SAXO1: variants seen among roughly 807,000 people sequenced by gnomAD.
SAXO1 encodes stabilizer of axonemal microtubules 1.
SAXO1 carries 21 observed loss-of-function variants against 17.5 expected under a neutral mutation model. That is an observed-to-expected ratio of 1.20 (90% confidence interval 0.85 to 1.72). SAXO1 has a LOEUF of 1.72. SAXO1 is among the 40% of genes most tolerant of loss of function. The probability of loss-of-function intolerance (pLI) is 0.00; values close to 1 mark genes in which losing one functional copy is unlikely to be tolerated. For missense variants in SAXO1, 843 were observed against 596.0 expected, an observed-to-expected ratio of 1.41 and a Z score of -4.32; for synonymous variants, 274 against 216.5, an observed-to-expected ratio of 1.27 and a Z score of -2.33.
intron 1 of SAXO1, among the ~76,000 whole-genome samples, chr9:18,998,176 G>A (rs899801618): frequency 6.6e-6 from 1 of 152,066 alleles, no homozygotes; most frequent in Non-Finnish European, 1.5e-5. Context: ...CCAGCTAAAG[G>A]AGTATGTTCT....
At chr9:19,014,866 G>T (rs184568801) in intron 1 of SAXO1, among the ~76,000 whole-genome samples, 3 of 152,266 alleles carry the variant, frequency 2.0e-5, no homozygotes, top group Admixed American at 6.5e-5. Flanking sequence ...TTCCTGCCGG[G>T]GTTAGGAAGT....
At chr9:19,000,179 T>C (rs373970861) in intron 1 of SAXO1, among the ~76,000 whole-genome samples, 9 of 149,340 alleles carry the variant, frequency 6.0e-5, no homozygotes, top group African/African-American at 2.2e-4. Context: ...CGCCACCCTG[T>C]CTGGGAAGTG....
intron 1 of SAXO1, among the ~76,000 whole-genome samples, chr9:18,986,094 A>T (rs999565237): frequency 1.3e-5 from 2 of 152,366 alleles, no homozygotes; most frequent in African/African-American, 4.8e-5. Context: ...TAACTCAAAG[A>T]AATACTAATG....
At chr9:19,004,640 C>G (rs1834416421) in intron 1 of SAXO1, among the ~76,000 whole-genome samples, 1 of 152,188 alleles carries the variant, frequency 6.6e-6, no homozygotes, top group Admixed American at 6.5e-5. Context: ...ACCACAACTT[C>G]TCACTCACAA....
At chr9:18,936,636 A>C (rs1469208670) in intron 3 of SAXO1, among the ~76,000 whole-genome samples, 1 of 152,108 alleles carries the variant, frequency 6.6e-6, no homozygotes, top group Non-Finnish European at 1.5e-5. Flanking sequence ...ACCCTGAAAA[A>C]CCTCAGAATT....
chr9:19,005,971 T>C (rs1308058048), intron 1 of SAXO1, among the ~76,000 whole-genome samples: 2 of 152,090 alleles, frequency 1.3e-5, no homozygotes, highest in Non-Finnish European at 2.9e-5. Context: ...CCACCTTGAG[T>C]AGACATCTCT....
chr9:18,954,541 T>C (rs1271329214), intron 1 of SAXO1, among the ~76,000 whole-genome samples: 2 of 152,106 alleles, frequency 1.3e-5, no homozygotes, highest in Non-Finnish European at 1.5e-5. Context: ...TTCACCATGC[T>C]TCCCAAGCTG....
At chr9:19,029,944 C>T (rs919655885) in intron 1 of SAXO1, among the ~76,000 whole-genome samples, 1 of 152,210 alleles carries the variant, frequency 6.6e-6, no homozygotes, top group Non-Finnish European at 1.5e-5. Flanking sequence ...ATAAAGAAAA[C>T]TGTGTTGCTA....
chr9:18,955,654 G>A (rs1308037395), intron 1 of SAXO1, among the ~76,000 whole-genome samples: 1 of 152,164 alleles, frequency 6.6e-6, no homozygotes, highest in Admixed American at 6.6e-5. Flanking sequence ...AACAAATAAA[G>A]CAGTCTTTCT....
intron 1 of SAXO1, among the ~76,000 whole-genome samples, chr9:19,001,908 A>T (rs1166517699): frequency 6.6e-6 from 1 of 152,154 alleles, no homozygotes; most frequent in Non-Finnish European, 1.5e-5. Context: ...GCAGAAATGA[A>T]GGAGATAGAG....
intron 1 of SAXO1, among the ~76,000 whole-genome samples, chr9:18,987,855 C>A (rs1306748388): frequency 2.0e-5 from 3 of 151,444 alleles, no homozygotes; most frequent in Non-Finnish European, 2.9e-5. Flanking sequence ...AGAGATGGCA[C>A]CACCCCACTA....
At chr9:18,966,552 G>C (rs12379525) in intron 1 of SAXO1, among the ~76,000 whole-genome samples, 9,197 of 152,140 alleles carry the variant, frequency 0.06, 306 homozygotes, top group African/African-American at 0.1. Context: ...ACTGGTGTAT[G>C]CTTCACCAAG....
chr9:19,014,396 G>C (rs563571461), intron 1 of SAXO1, among the ~76,000 whole-genome samples: 11 of 144,004 alleles, frequency 7.6e-5, no homozygotes, highest in African/African-American at 2.5e-4. Context: ...TGGGGGGCAA[G>C]GTTGCAGTTA....
At chr9:19,045,316 C>CAAAAAAAAAAAA (rs575855900) in intron 1 of SAXO1, among the ~76,000 whole-genome samples, 4 of 89,306 alleles carry the variant, frequency 4.5e-5, no homozygotes, top group African/African-American at 1.5e-4. Context: ...GACTCCGTCT[C>CAAAAAAAAAAAA]AAAAAAAAAA....
chr9:19,023,805 C>CAAGGA (rs1835351926), intron 1 of SAXO1, among the ~76,000 whole-genome samples: 4 of 151,208 alleles, frequency 2.6e-5, no homozygotes, highest in African/African-American at 9.7e-5. Context: ...GGGAGGAAAG[C>CAAGGA]AAGGAAAGGA....
At chr9:18,962,993 G>A (rs546789864) in intron 1 of SAXO1, among the ~76,000 whole-genome samples, 29 of 152,084 alleles carry the variant, frequency 1.9e-4, no homozygotes, top group African/African-American at 2.4e-4. Context: ...TAAGGAAGGG[G>A]TCCAGTTTCA....
chr9:18,988,192 T>C (rs980964262), intron 1 of SAXO1, among the ~76,000 whole-genome samples: 3 of 152,226 alleles, frequency 2.0e-5, no homozygotes, highest in African/African-American at 7.2e-5. Flanking sequence ...AAAGTGGCTC[T>C]GAAAGTGAGT....
chr9:18,938,089 G>A (rs1831373014), intron 3 of SAXO1, among the ~76,000 whole-genome samples: 1 of 152,126 alleles, frequency 6.6e-6, no homozygotes, highest in Non-Finnish European at 1.5e-5. Context: ...ATGCATGCCT[G>A]GTTCTGAGCA....
At chr9:19,035,000 G>A (rs1835898744), upstream of SAXO1, among the ~76,000 whole-genome samples, 1 of 152,206 alleles carries the variant, frequency 6.6e-6, no homozygotes, top group African/African-American at 2.4e-5. Context: ...ATAGAGGGTA[G>A]AGATCTTGAA....
Sources: allele counts gnomAD v4.1 joint callset (sites outside exome capture counted in the v4.1 genomes callset), GRCh38; gene constraint gnomAD v4.1.1; transcripts MANE v1.5; gene names NCBI Gene and HGNC (gene_info 2026-07-23, HGNC 2026-07-21).